The following AGBL4 variants were observed in gnomAD, a reference collection of about 807,000 sequenced individuals.
AGBL4 encodes cytosolic carboxypeptidase 6.
A neutral mutation model predicts 66.4 loss-of-function variants in AGBL4; 58 were observed. The observed-to-expected ratio is 0.87, with a 90% CI of 0.71 to 1.09. The LOEUF (loss-of-function observed/expected upper bound fraction) is 1.09. Among genes scored for constraint, AGBL4 ranks in the 50% least tolerant of loss-of-function variants. The pLI is 0.00. For missense variants in AGBL4, 579 were observed against 631.0 expected (o/e 0.92, Z 0.88); for synonymous variants, 234 against 222.9 (o/e 1.05, Z -0.44).
At chr1:49,103,920 T>A (rs1645248193) in intron 4 of AGBL4, among the ~76,000 whole-genome samples, 1 of 152,156 alleles carries the variant, frequency 6.6e-6, no homozygotes, top group African/African-American at 2.4e-5. Context: ...GACTCTTTAT[T>A]ACTTCCACAA....
At chr1:49,148,301 T>C (rs1646259509) in intron 4 of AGBL4, among the ~76,000 whole-genome samples, 1 of 152,130 alleles carries the variant, frequency 6.6e-6, no homozygotes, top group African/African-American at 2.4e-5. Context: ...CATGGTAGTC[T>C]CCAGGATTTG....
At chr1:48,905,785 C>T (rs1235628475) in intron 5 of AGBL4, among the ~76,000 whole-genome samples, 1 of 152,094 alleles carries the variant, frequency 6.6e-6, no homozygotes, top group African/African-American at 2.4e-5. Context: ...AGTATTATCC[C>T]CAAATCAGAC....
At chr1:49,364,371 T>G (rs1644201865) in intron 3 of AGBL4, among the ~76,000 whole-genome samples, 1 of 152,184 alleles carries the variant, frequency 6.6e-6, no homozygotes. Context: ...TAATCCTCAA[T>G]TATTTAATCT....
At chr1:49,475,887 T>C (rs1333369883) in intron 3 of AGBL4, among the ~76,000 whole-genome samples, 1 of 152,112 alleles carries the variant, frequency 6.6e-6, no homozygotes, top group East Asian at 1.9e-4. Context: ...ACTTTGTATG[T>C]TGCTGAACCT....
intron 10 of AGBL4, among the ~76,000 whole-genome samples, chr1:48,589,646 A>G (rs1644881938): frequency 6.6e-6 from 1 of 152,184 alleles, no homozygotes; most frequent in African/African-American, 2.4e-5. Context: ...GATTGGTAGT[A>G]ACAGCAACCG....
intron 6 of AGBL4, among the ~76,000 whole-genome samples, chr1:48,731,193 G>A (rs1225415112): frequency 2.0e-5 from 3 of 151,998 alleles, no homozygotes; most frequent in Non-Finnish European, 4.4e-5. Flanking sequence ...ATGCAATCTG[G>A]AACAGCTCAA....
intron 3 of AGBL4, among the ~76,000 whole-genome samples, chr1:49,332,136 G>C (rs934822319): frequency 6.6e-6 from 1 of 152,164 alleles, no homozygotes; most frequent in Non-Finnish European, 1.5e-5. Context: ...GACCACATTT[G>C]AATGCCCTTT....
chr1:49,049,150 C>G (rs992282072), intron 4 of AGBL4, among the ~76,000 whole-genome samples: 1 of 152,134 alleles, frequency 6.6e-6, no homozygotes, highest in Non-Finnish European at 1.5e-5. Flanking sequence ...CTCCCTAACA[C>G]AATTTTGTGC....
chr1:49,686,324 G>A (rs188871354), intron 3 of AGBL4, among the ~76,000 whole-genome samples: 5 of 152,194 alleles, frequency 3.3e-5, no homozygotes, highest in East Asian at 1.9e-4. Flanking sequence ...GGAACACCTC[G>A]GCTCCTCCAG....
At chr1:49,995,427 C>G (rs1368627151) in intron 1 of AGBL4, 1 of 384,538 alleles carries the variant, frequency 2.6e-6, no homozygotes, top group Non-Finnish European at 5.2e-6. Flanking sequence ...AGCCATAATC[C>G]CCCTGAGAAC....
Position 49,587,924 on chromosome 1 carries a change from G to T in AGBL4, c.282+109389C>A, listed in dbSNP as rs374282609. ...ATTCTGAGGCTCTGTAATTTTTCAG[G>T]AGAAAAATAAAATAGGAAAGATCTT... On this transcript the variant is annotated intron_variant, in intron 3 of 13. Transcript: ENST00000371839. Among the ~76,000 whole-genome samples, 52 of 151,892 alleles carry T rather than the reference G, an allele frequency of 3.4e-4. 1 individual carries two copies. The South Asian group carries it at 9.6e-3, about 28-fold the overall frequency.
At chr1:48,687,066 T>A (rs891597426) in intron 6 of AGBL4, among the ~76,000 whole-genome samples, 2 of 67,888 alleles carry the variant, frequency 2.9e-5, no homozygotes, top group Admixed American at 1.6e-4. Context: ...GGGCAGGGGG[T>A]GGGGCAGCGG....
At chr1:49,970,708 AACACACACACACACACACACAC>A (rs373722460) in intron 1 of AGBL4, among the ~76,000 whole-genome samples, 1 of 113,994 alleles carries the variant, frequency 8.8e-6, no homozygotes, top group Non-Finnish European at 1.7e-5. Flanking sequence ...AAAAAAACAA[AACACACACACACACACACACAC>A]ACACACACAC....
chr1:48,892,054 A>C (rs1651026741), intron 5 of AGBL4, among the ~76,000 whole-genome samples: 1 of 141,636 alleles, frequency 7.1e-6, no homozygotes, highest in Non-Finnish European at 1.6e-5. Context: ...TAGAAGTCTA[A>C]AATTAAAGTG....
intron 6 of AGBL4, among the ~76,000 whole-genome samples, chr1:48,726,801 AAC>A (rs1168537531): frequency 2.6e-5 from 4 of 152,254 alleles, no homozygotes; most frequent in African/African-American, 9.6e-5. Context: ...AGAAATGAGT[AAC>A]AGTTGCCAAC....
At chr1:48,614,639 T>TTCC (rs1645290137) in intron 9 of AGBL4, among the ~76,000 whole-genome samples, 1 of 152,220 alleles carries the variant, frequency 6.6e-6, no homozygotes, top group African/African-American at 2.4e-5. Context: ...CCTTGCAGCC[T>TTCC]TCCCCCTCAC....
intron 3 of AGBL4, among the ~76,000 whole-genome samples, chr1:49,499,247 T>C (rs1647899901): frequency 6.6e-6 from 1 of 152,046 alleles, no homozygotes; most frequent in African/African-American, 2.4e-5. Context: ...ATTTGTGTGT[T>C]CAGATTTTCT....
At chr1:48,799,814 A>G (rs111942087) in intron 6 of AGBL4, among the ~76,000 whole-genome samples, 4 of 152,138 alleles carry the variant, frequency 2.6e-5, no homozygotes, top group Non-Finnish European at 5.9e-5. Flanking sequence ...CGACTTGCAT[A>G]TGTTAAACTA....
At chr1:49,331,094 G>T (rs991546377) in intron 3 of AGBL4, among the ~76,000 whole-genome samples, 4 of 151,742 alleles carry the variant, frequency 2.6e-5, no homozygotes, top group Non-Finnish European at 4.4e-5. Flanking sequence ...ACTCCACTAG[G>T]GTCTTGGGTC....
Sources: gnomAD v4.1 joint callset for allele counts (sites outside exome capture counted in the v4.1 genomes callset) on GRCh38, gnomAD v4.1.1 for gene constraint, MANE v1.5 for transcripts, NCBI Gene and HGNC (gene_info 2026-07-23, HGNC 2026-07-21) for gene names.